Variants in STARD8 observed in about 807,000 individuals in gnomAD.
The protein encoded by STARD8 is StAR related lipid transfer domain containing 8.
STARD8 carries 25 observed loss-of-function variants against 69.4 expected under a neutral mutation model. The ratio of observed to expected loss-of-function variants is 0.36; its 90% CI spans 0.26 to 0.50. The LOEUF is 0.50. STARD8 is among the 20% of genes least tolerant of loss of function. The pLI is 0.96. For synonymous variants in STARD8, 389 were observed against 374.6 expected (o/e 1.04, Z -0.45); for missense variants, 921 against 932.5 (o/e 0.99, Z 0.16).
intron 2 of STARD8, among the ~76,000 whole-genome samples, chrX:68,693,228 T>C (rs2079889838): frequency 8.9e-6 from 1 of 112,908 alleles, no homozygotes; most frequent in African/African-American, 3.2e-5. Context: ...CTCAAATTCC[T>C]AATTATCTGG....
intron 10 of STARD8, 51 bp from the exon 11 acceptor site, chrX:68,721,996 G>A (rs368876871): frequency 5.7e-5 from 62 of 1,094,653 alleles, no homozygotes; most frequent in Non-Finnish European, 7.4e-5. Flanking sequence ...CTGCCATCTT[G>A]TCTTGTGCTC....
rs1346529759 is a variant in STARD8, at chrX:68,672,561, A to G, written c.79+7029A>G. Among the ~76,000 whole-genome samples, 5 of 112,306 alleles carry G rather than the reference A, an allele frequency of 4.5e-5. No homozygotes were observed. The East Asian group carries it at 8.4e-4, about 19-fold the overall frequency. ...CAGCAGCTGAGCTTGTGAAAGCTCC[A>G]TGGCTCCCAAGCCTTGGTCTGCCTG... On this transcript the variant is annotated intron_variant, in intron 2 of 14. Coordinates refer to ENST00000374599, the MANE Select transcript of STARD8 (RefSeq NM_001142503.3).
At chrX:68,714,629 A>C (rs2080077315) in intron 3 of STARD8, among the ~76,000 whole-genome samples, 1 of 112,420 alleles carries the variant, frequency 8.9e-6, no homozygotes, top group Non-Finnish European at 1.9e-5. Flanking sequence ...AGAAGGCAGG[A>C]ACCGTTTTTG....
chrX:68,709,045 A>G (rs2080029656), intron 2 of STARD8, among the ~76,000 whole-genome samples: 1 of 111,214 alleles, frequency 9.0e-6, no homozygotes, highest in African/African-American at 3.3e-5. Flanking sequence ...GCCTTTAATC[A>G]CCAAGACATA....
At chrX:68,689,509 G>A (rs912694505) in intron 2 of STARD8, among the ~76,000 whole-genome samples, 3 of 112,509 alleles carry the variant, frequency 2.7e-5, no homozygotes, top group African/African-American at 6.5e-5. Flanking sequence ...AGGTCCCCGC[G>A]TATCTGGGAA....
At chrX:68,695,698 C>T (rs2079914476) in intron 2 of STARD8, among the ~76,000 whole-genome samples, 1 of 111,705 alleles carries the variant, frequency 9.0e-6, no homozygotes, top group Non-Finnish European at 1.9e-5. Flanking sequence ...CTTATTCAAA[C>T]ACAATACCTC....
At chrX:68,709,461 C>T (rs769637099) in intron 2 of STARD8, among the ~76,000 whole-genome samples, 20 of 111,943 alleles carry the variant, frequency 1.8e-4, no homozygotes, top group Non-Finnish European at 3.4e-4. Flanking sequence ...GTATTATGTG[C>T]CAGGGGCTTT....
rs1268838074 is a variant in STARD8, at chrX:68,661,970, C to CTTTCTT, written c.46-3528_46-3527insTTCTTT. ...CCTCTCTCTCTCTCTCTCTCTCTCT[C>CTTTCTT]TCTTTCTTTCTTTCTTTCTTTCTTT... On this transcript the variant is annotated intron_variant, in intron 1 of 14. Coordinates refer to ENST00000374599, the MANE Select transcript of STARD8 (RefSeq NM_001142503.3). 5.7e-3 allele frequency among the ~76,000 whole-genome samples: 321 copies of CTTTCTT among 55,974 alleles called. 2 individuals carry two copies. Among genetic ancestry groups the CTTTCTT allele is most frequent in the East Asian group, 0.017 (26 of 1,493 alleles). 48.6% of individuals were successfully genotyped at this position (55,974 alleles called of 115,157 possible). A position where few individuals can be genotyped will look rare whatever the true frequency, so the allele number is the denominator to read the frequency against.
rs2080148314 is a variant in STARD8, at chrX:68,721,515, TCTTC to T, written c.2249-19_2249-16del. On this transcript the variant is annotated splice_polypyrimidine_tract_variant and intron_variant, in intron 9 of 14. Coordinates refer to ENST00000374599, the MANE Select transcript of STARD8 (RefSeq NM_001142503.3). ...CCTCTGGGGAAGTAAGGAAGGCTCT[TCTTC>T]CATTGCTTCCTCACAGTCCTCCCCA... The T allele has an allele frequency of 8.3e-7, 1 of 1,202,904 alleles. No homozygotes were observed. Among genetic ancestry groups the T allele is most frequent in the Non-Finnish European group, 1.1e-6 (1 of 890,636 alleles).
At position 68,720,416 on chromosome X, in the gene STARD8, T is replaced by C; in HGVS notation, c.2042T>C (p.Leu681Pro). Residue 681 changes from leucine (L) to proline (P), a missense_variant, in exon 8 of 15, where the codon CTG (leucine) becomes CCG (proline). By Grantham distance (98) the Leu-to-Pro change is moderately conservative. Coordinates refer to ENST00000374599, the MANE Select transcript of STARD8 (RefSeq NM_001142503.3). ...ATGCGCTACTTGCGCAGCCAGTGCC[T>C]GGACCAAGTGAGCCCTCGTGGGGCA... ...QAMRYLRSQC[L>P]DQVGIFRKSG... 1.7e-6 allele frequency: 2 copies of C among 1,172,794 alleles called. No homozygotes were observed. The highest frequency in any genetic ancestry group is 2.3e-6 in the Non-Finnish European group (2 of 872,909).
chrX:68,650,667 G>A (rs1408845087), intron 1 of STARD8, among the ~76,000 whole-genome samples: 1 of 110,275 alleles, frequency 9.1e-6, no homozygotes, highest in Non-Finnish European at 1.9e-5. Flanking sequence ...AGTCAGGCAT[G>A]GTGATGCATG....
rs2147936469 is a variant in STARD8, at chrX:68,719,082, T to A, written c.1716-143T>A. On this transcript the variant is annotated intron_variant, in intron 6 of 14. Transcript: ENST00000374599. Reference sequence around the variant, plus strand: ...TCCAAGCTTTTTCCACCCTGGGGCCTCAGCAGCAGCACTAGAAAGTGTTCC... The same window carrying A: ...TCCAAGCTTTTTCCACCCTGGGGCCACAGCAGCAGCACTAGAAAGTGTTCC... 3.9e-6 allele frequency: 3 copies of A among 771,310 alleles called. No individual in the cohort carries two copies. The Admixed American group carries it at 1.4e-4, about 37-fold the overall frequency. The allele number at this position is 771,310 out of a possible 1,213,427, so 63.6% of individuals were successfully genotyped here. A position where few individuals can be genotyped will look rare whatever the true frequency, so the allele number is the denominator to read the frequency against.
At position 68,723,842 on chromosome X, in the gene STARD8, C is replaced by T. The variant is rs1246119541; in HGVS notation, c.3016C>T (p.Arg1006Trp). 1.5e-5 allele frequency: 18 copies of T among 1,199,370 alleles called. No homozygotes were observed. Among genetic ancestry groups the T allele is most frequent in the Non-Finnish European group, 2.0e-5 (18 of 889,028 alleles). ...PHPCRDFVVL[R>W]MWRSDLPRGG... ...TCCCTGCCGCGACTTTGTGGTGCTTCGGTGAGGGGCTGCAGCTGCTACCCT... is the reference window on the plus strand; with the variant it reads ...TCCCTGCCGCGACTTTGTGGTGCTTTGGTGAGGGGCTGCAGCTGCTACCCT... The change falls in exon 13 of 15, where the codon CGG becomes TGG. Residue 1006 changes from arginine to tryptophan, a missense_variant and splice_region_variant. Arg to Trp is a moderately radical substitution (Grantham distance 101). Transcript: ENST00000374599.
intron 2 of STARD8, among the ~76,000 whole-genome samples, chrX:68,686,849 C>G (rs1030048113): frequency 4.5e-5 from 5 of 111,561 alleles, no homozygotes; most frequent in Non-Finnish European, 7.5e-5. Flanking sequence ...CGGCTTCGTC[C>G]CCACCCACCT....
At chrX:68,665,338 C>A (rs2079676430) in intron 1 of STARD8, among the ~76,000 whole-genome samples, 161 bp from the exon 2 acceptor site, 1 of 111,769 alleles carries the variant, frequency 8.9e-6, no homozygotes, top group African/African-American at 3.3e-5. Context: ...TGGGTCTGGG[C>A]TCCACTTTGC....
intron 4 of STARD8, among the ~76,000 whole-genome samples, chrX:68,715,804 G>A (rs759652846): frequency 1.2e-4 from 13 of 111,446 alleles, no homozygotes; most frequent in Non-Finnish European, 1.9e-4. Context: ...ATCCACCAGC[G>A]TCGCATTGTA....
chrX:68,717,516 AG>A lies in STARD8; in HGVS notation c.603del (p.Lys202SerfsTer15). ...CAGGAGGGTCCCCAGGACAAAGCCAAGAAGCGCCATCGTAACCGTAGCTTCC... is the reference window on the plus strand; with the variant it reads ...CAGGAGGGTCCCCAGGACAAAGCCAAAAGCGCCATCGTAACCGTAGCTTCC... ...QGQEGPQDKA[K>X]KRHRNRSFLK... On this transcript the variant is annotated frameshift_variant, in exon 6 of 15. Transcript: ENST00000374599. LOFTEE classifies it high-confidence loss of function. 3.3e-6 allele frequency: 4 copies of A among 1,211,038 alleles called. No individual in the cohort carries two copies. The highest frequency in any genetic ancestry group is 4.5e-6 in the Non-Finnish European group (4 of 895,556).
chrX:68,701,054 C>T (rs1042056487), intron 2 of STARD8, among the ~76,000 whole-genome samples: 4 of 111,593 alleles, frequency 3.6e-5, no homozygotes, highest in East Asian at 5.7e-4. Flanking sequence ...CGTGGGCATT[C>T]GGTCTGGACT....
rs371204066 is a variant in STARD8 at position 68,720,921 on chromosome X, T to C, written c.2050-3T>C. 36 of 1,206,125 alleles carry C rather than the reference T, an allele frequency of 3.0e-5. No homozygotes were observed. The African/African-American group carries it at 3.5e-4, about 12-fold the overall frequency. ...CACTCCCTCCCTCCCCTGCATGGAGTAGGTAGGCATCTTCCGCAAGTCTGG... is the reference window on the plus strand; with the variant it reads ...CACTCCCTCCCTCCCCTGCATGGAGCAGGTAGGCATCTTCCGCAAGTCTGG... On this transcript the variant is annotated splice_polypyrimidine_tract_variant and splice_region_variant and intron_variant, in intron 8 of 14. Transcript: ENST00000374599.
Sources: allele counts gnomAD v4.1 joint callset (sites outside exome capture counted in the v4.1 genomes callset), GRCh38; gene constraint gnomAD v4.1.1; transcripts MANE v1.5; gene names NCBI Gene and HGNC (gene_info 2026-07-23, HGNC 2026-07-21).